BORCS5: variants seen among roughly 807,000 people sequenced by gnomAD.
BORCS5 encodes BLOC-1 related complex subunit 5.
Under a neutral mutation model 22.1 loss-of-function variants are expected in BORCS5, and 17 were observed. That is an observed-to-expected ratio of 0.77 (90% CI 0.53 to 1.15). The LOEUF (loss-of-function observed/expected upper bound fraction) is 1.15, where lower values mean the gene tolerates loss of function less well. BORCS5 is among the 50% of genes most tolerant of loss of function. BORCS5 has a pLI of 0.00. For missense variants in BORCS5, 247 were observed against 253.2 expected (o/e 0.98, Z 0.17); for synonymous variants, 117 against 99.8 (o/e 1.17, Z -1.03).
At position 12,375,072 on chromosome 12, in the gene BORCS5, C is replaced by T. The variant is rs564080916; in HGVS notation, c.202+13723C>T. ...TGTTGCCCAGGCTGGAGTGCAATGGCGCCATCTTGGCTCACTGCAACCTCT... is the reference window on the plus strand; with the variant it reads ...TGTTGCCCAGGCTGGAGTGCAATGGTGCCATCTTGGCTCACTGCAACCTCT... On this transcript the variant is annotated intron_variant, in intron 2 of 3. Coordinates refer to ENST00000314565, the MANE Select transcript of BORCS5 (RefSeq NM_058169.6). 9.1e-4 allele frequency among the ~76,000 whole-genome samples: 139 copies of T among 152,052 alleles called. 1 individual carries two copies. The highest frequency in any genetic ancestry group is 3.0e-3 in the African/African-American group (124 of 41,490).
At chr12:12,380,067 C>T (rs2136042807) in intron 2 of BORCS5, among the ~76,000 whole-genome samples, 1 of 151,252 alleles carries the variant, frequency 6.6e-6, no homozygotes, top group Non-Finnish European at 1.5e-5. Flanking sequence ...AATGATTGGT[C>T]CGTGAAGCAG....
chr12:12,369,185 A>G (rs2136025864), intron 2 of BORCS5, among the ~76,000 whole-genome samples: 1 of 152,288 alleles, frequency 6.6e-6, no homozygotes, highest in African/African-American at 2.4e-5. Flanking sequence ...TGTGCTACCT[A>G]TGTGTTATTA....
chr12:12,411,766 C>T (rs1941741625), intron 2 of BORCS5, among the ~76,000 whole-genome samples: 1 of 152,132 alleles, frequency 6.6e-6, no homozygotes, highest in South Asian at 2.1e-4. Context: ...TGTTTTAGAT[C>T]TTACATTTAG....
rs1222832515 is a variant in BORCS5, at chr12:12,414,211, A to AC, written c.203-21410dup. On this transcript the variant is annotated intron_variant, in intron 2 of 3. Transcript: ENST00000314565. ...GGGCGGCTGGCCAGGCGGGGGGCTG[A>AC]CCCCCCCACCTCCCTCCCGGACGGG... is the stretch of plus-strand genomic sequence containing the variant. 1.1e-4 allele frequency among the ~76,000 whole-genome samples: 7 copies of AC among 65,006 alleles called. No homozygotes were observed. The East Asian group carries it at 2.3e-3, about 22-fold the overall frequency. The allele number at this position is 65,006 out of a possible 152,430, so 42.6% of individuals were successfully genotyped here. A position where few individuals can be genotyped will look rare whatever the true frequency, so the allele number is the denominator to read the frequency against.
intron 3 of BORCS5, among the ~76,000 whole-genome samples, chr12:12,459,230 T>C (rs971100140): frequency 6.6e-6 from 1 of 152,108 alleles, no homozygotes; most frequent in South Asian, 2.1e-4. Context: ...TTTTTAGTTT[T>C]GATGAAAATC....
chr12:12,426,431 C>T (rs377369819), intron 2 of BORCS5, among the ~76,000 whole-genome samples: 1 of 152,194 alleles, frequency 6.6e-6, no homozygotes, highest in African/African-American at 2.4e-5. Context: ...CAGGATTCCT[C>T]GAAGACACTG....
At chr12:12,401,517 T>C (rs1333017768) in intron 2 of BORCS5, among the ~76,000 whole-genome samples, 1 of 152,192 alleles carries the variant, frequency 6.6e-6, no homozygotes, top group African/African-American at 2.4e-5. Flanking sequence ...ATTTTTTTAA[T>C]AATTTTTTTT....
chr12:12,436,771 G>A (rs1861674), intron 3 of BORCS5, among the ~76,000 whole-genome samples: 25,073 of 152,174 alleles, frequency 0.16, 3,118 homozygotes, highest in African/African-American at 0.35. Context: ...ATTTAAATTT[G>A]CCAACACCTC....
At chr12:12,390,821 G>GTAAT (rs561478362) in intron 2 of BORCS5, among the ~76,000 whole-genome samples, 23 of 151,894 alleles carry the variant, frequency 1.5e-4, no homozygotes, top group African/African-American at 5.1e-4. Context: ...AGCAAAAGCA[G>GTAAT]TAATAAGTAG....
intron 3 of BORCS5, among the ~76,000 whole-genome samples, chr12:12,446,313 G>C (rs1203203367): frequency 6.6e-6 from 1 of 152,116 alleles, no homozygotes; most frequent in Non-Finnish European, 1.5e-5. Context: ...ATTTTACATG[G>C]GGTGACACAG....
At chr12:12,427,423 G>A (rs1565903275) in intron 2 of BORCS5, among the ~76,000 whole-genome samples, 1 of 151,946 alleles carries the variant, frequency 6.6e-6, no homozygotes, top group Non-Finnish European at 1.5e-5. Flanking sequence ...CTTGTGATGG[G>A]CCCGCCTCGG....
At chr12:12,462,817 C>T (rs979035417) in intron 3 of BORCS5, among the ~76,000 whole-genome samples, 5 of 152,012 alleles carry the variant, frequency 3.3e-5, no homozygotes, top group African/African-American at 4.8e-5. Context: ...CTGCCACGCC[C>T]GGCTAATTTT....
At chr12:12,455,890 T>C (rs1470441603) in intron 3 of BORCS5, among the ~76,000 whole-genome samples, 2 of 152,178 alleles carry the variant, frequency 1.3e-5, no homozygotes, top group Admixed American at 6.5e-5. Flanking sequence ...CTATTGATCA[T>C]ATGGATGTGA....
At chr12:12,428,889 A>AT (rs1391061406) in intron 2 of BORCS5, among the ~76,000 whole-genome samples, 1 of 152,250 alleles carries the variant, frequency 6.6e-6, no homozygotes, top group African/African-American at 2.4e-5. Flanking sequence ...GTAAAGCAGA[A>AT]AAATCCTAAG....
At chr12:12,436,671 G>A (rs1942562449) in intron 3 of BORCS5, among the ~76,000 whole-genome samples, 1 of 152,230 alleles carries the variant, frequency 6.6e-6, no homozygotes, top group Non-Finnish European at 1.5e-5. Flanking sequence ...AAGTGATGGA[G>A]CAAGAATCAC....
chr12:12,405,854 T>A (rs1458226340), intron 2 of BORCS5, among the ~76,000 whole-genome samples: 1 of 152,230 alleles, frequency 6.6e-6, no homozygotes, highest in Non-Finnish European at 1.5e-5. Context: ...TCTGGCTGAT[T>A]TAAGCAGATA....
chr12:12,407,617 C>G (rs1320691725), intron 2 of BORCS5, among the ~76,000 whole-genome samples: 2 of 151,778 alleles, frequency 1.3e-5, no homozygotes, highest in African/African-American at 4.8e-5. Context: ...AAATTGAAGT[C>G]TATTAAATAG....
rs143671118 is a variant in BORCS5, at chr12:12,419,662, C to T, written c.203-15966C>T. 1.3e-3 allele frequency among the ~76,000 whole-genome samples: 191 copies of T among 152,304 alleles called. 5 individuals are homozygous for T. Among genetic ancestry groups the T allele is most frequent in the Admixed American group, 0.012 (180 of 15,292 alleles). On this transcript the variant is annotated intron_variant, in intron 2 of 3. Transcript: ENST00000314565. ...TTGGACTAAATTACACTCCCACCAA[C>T]GGTGTAAAAGTGTTCCTGTTTCTCC...
At chr12:12,377,768 T>G (rs927357414) in intron 2 of BORCS5, among the ~76,000 whole-genome samples, 8 of 152,122 alleles carry the variant, frequency 5.3e-5, no homozygotes, top group African/African-American at 1.9e-4. Flanking sequence ...TGATCAAAGG[T>G]GTCCTTAAGA....
Sources: allele counts gnomAD v4.1 joint callset (sites outside exome capture counted in the v4.1 genomes callset), GRCh38; gene constraint gnomAD v4.1.1; transcripts MANE v1.5; gene names NCBI Gene and HGNC (gene_info 2026-07-23, HGNC 2026-07-21).